NUP205: variants seen among roughly 807,000 people sequenced by gnomAD.
NUP205 encodes nuclear pore complex protein Nup205.
A neutral mutation model predicts 253.8 loss-of-function variants in NUP205; 76 were observed. That is an observed-to-expected ratio of 0.30 (90% CI 0.25 to 0.36). The LOEUF (loss-of-function observed/expected upper bound fraction) is 0.36. Ranked by LOEUF, NUP205 falls within the 10% of genes least tolerant of loss-of-function variation. The pLI is 1.00. For synonymous variants in NUP205, 832 were observed against 850.1 expected (o/e 0.98, Z 0.37); for missense variants, 2,162 against 2,425.5 (o/e 0.89, Z 2.28).
intron 42 of NUP205, among the ~76,000 whole-genome samples, chr7:135,648,182 A>G (rs1024474287): frequency 1.3e-5 from 2 of 152,230 alleles, no homozygotes; most frequent in African/African-American, 4.8e-5. Context: ...AAATTTATAC[A>G]AGAAAAGAAA....
rs531899931 is a variant in NUP205, at chr7:135,617,788, G to C, written c.3771+106G>C. ...CATGTAGTTTGCTAATTAGTAAGCTGCCTAAAAATTAAACATTTAGGGAGT... is the reference window on the plus strand; with the variant it reads ...CATGTAGTTTGCTAATTAGTAAGCTCCCTAAAAATTAAACATTTAGGGAGT... On this transcript the variant is annotated intron_variant, in intron 27 of 42. Transcript: ENST00000285968. 6.4e-5 allele frequency: 36 copies of C among 566,290 alleles called. No individual in the cohort carries two copies. The African/African-American group carries it at 7.0e-4, about 11-fold the overall frequency. 35.1% of individuals were successfully genotyped at this position (566,290 alleles called of 1,614,324 possible). A position where few individuals can be genotyped will look rare whatever the true frequency, so the allele number is the denominator to read the frequency against.
At chr7:135,648,362 G>A in intron 42 of NUP205, 42 bp from the exon 43 acceptor site, 1 of 1,475,316 alleles carries the variant, frequency 6.8e-7, no homozygotes. Flanking sequence ...AGAAATATTT[G>A]AGACAACAAT....
intron 15 of NUP205, among the ~76,000 whole-genome samples, chr7:135,599,277 A>G (rs1160197725): frequency 1.3e-5 from 2 of 152,106 alleles, no homozygotes; most frequent in Non-Finnish European, 2.9e-5. Context: ...TGTTACTTGT[A>G]TCTAGCATAG....
At chr7:135,639,506 A>G (rs1052781626) in intron 38 of NUP205, among the ~76,000 whole-genome samples, 7 of 152,116 alleles carry the variant, frequency 4.6e-5, no homozygotes, top group African/African-American at 1.7e-4. Flanking sequence ...CCTGGCCAAC[A>G]TGGTGAAACC....
intron 1 of NUP205, among the ~76,000 whole-genome samples, chr7:135,565,234 GAA>G (rs1450382631): frequency 6.6e-6 from 1 of 152,120 alleles, no homozygotes; most frequent in Non-Finnish European, 1.5e-5. Flanking sequence ...ATGAGGGAGA[GAA>G]AATTAACTTT....
rs142454384 is a variant in NUP205 at position 135,597,380 on chromosome 7, G to A, written c.2026G>A (p.Val676Met). Residue 676 changes from valine to methionine, a missense_variant, in exon 14 of 43, where the codon GTG becomes ATG. By Grantham distance (21) the Val-to-Met change is conservative. Transcript: ENST00000285968. ...TTACTATTTTAAGATACTGCAGACC[G>A]TGAGGATTCCAAGCCAAAGGCAAGC... is the stretch of plus-strand genomic sequence containing the variant. ...SLEYTQILQT[V>M]RIPSQRQAIG... 2.7e-5 allele frequency: 44 copies of A among 1,610,688 alleles called. No homozygotes were observed. The highest frequency in any genetic ancestry group is 1.7e-4 in the Middle Eastern group (1 of 6,054).
In NUP205 at chr7:135,636,878, C is replaced by T. The variant is rs147811122; in HGVS notation, c.5137-1053C>T. ...AAAATTAGCCATGTGTGGTGGTGCACGCCTGTAGTCCCAGCTACCTGGGGG... is the reference window on the plus strand; with the variant it reads ...AAAATTAGCCATGTGTGGTGGTGCATGCCTGTAGTCCCAGCTACCTGGGGG... On this transcript the variant is annotated intron_variant, in intron 36 of 42. Transcript: ENST00000285968. Among the ~76,000 whole-genome samples, 1,310 of 152,124 alleles carry T rather than the reference C, an allele frequency of 8.6e-3. 9 individuals carry two copies. The highest frequency in any genetic ancestry group is 0.011 in the Non-Finnish European group (776 of 67,996).
chr7:135,582,345 T>A (rs1010537889), intron 7 of NUP205, among the ~76,000 whole-genome samples: 1 of 152,244 alleles, frequency 6.6e-6, no homozygotes, highest in African/African-American at 2.4e-5. Context: ...GTTTTTGAAT[T>A]CAAGTAAAGG....
intron 7 of NUP205, among the ~76,000 whole-genome samples, chr7:135,583,305 G>A (rs1160520684): frequency 6.6e-6 from 1 of 152,036 alleles, no homozygotes; most frequent in Non-Finnish European, 1.5e-5. Context: ...CAATTACCTA[G>A]TAATTTTATA....
At chr7:135,580,036 G>A (rs56244910) in intron 7 of NUP205, among the ~76,000 whole-genome samples, 1 of 152,092 alleles carries the variant, frequency 6.6e-6, no homozygotes, top group African/African-American at 2.4e-5. Flanking sequence ...ATATTAGTAG[G>A]GGTTTATTCT....
At chr7:135,601,600 AT>A in intron 17 of NUP205, 93 bp downstream of exon 17, 5 of 1,326,632 alleles carry the variant, frequency 3.8e-6, no homozygotes, top group African/African-American at 1.5e-5. Flanking sequence ...CTCTGAAGTC[AT>A]TTTTCACTGT....
chr7:135,563,377 CG>C (rs1313982642), intron 1 of NUP205, among the ~76,000 whole-genome samples: 1 of 151,738 alleles, frequency 6.6e-6, no homozygotes, highest in Non-Finnish European at 1.5e-5. Flanking sequence ...TTGGTAGAGA[CG>C]GGGTTTCGCT....
chr7:135,579,256 A>T (rs6467598), intron 7 of NUP205, among the ~76,000 whole-genome samples: 59 of 151,604 alleles, frequency 3.9e-4, no homozygotes, highest in African/African-American at 1.4e-3. Context: ...GTGCAATGGC[A>T]CAGTCTCGGC....
At chr7:135,608,805 T>C in intron 22 of NUP205, among the ~76,000 whole-genome samples, 1 of 151,840 alleles carries the variant, frequency 6.6e-6, no homozygotes, top group African/African-American at 2.4e-5. Context: ...ATAAGTGTTT[T>C]AAAAACTAGG....
Position 135,628,033 on chromosome 7 carries a change from G to T in NUP205, c.4854G>T (p.Gln1618His). The change falls in exon 34 of 43, where the codon CAG (glutamine) becomes CAT (histidine). Residue 1618 changes from glutamine to histidine, a missense_variant. Gln to His is a conservative substitution (Grantham distance 24). Around this residue, in one of 5 missense-constraint regions of NUP205, gnomAD observed 1,144 missense variants for 1,280.9 expected, o/e 0.89. Coordinates refer to ENST00000285968, the MANE Select transcript of NUP205 (RefSeq NM_015135.3). Reference protein sequence around the residue: ...FIPTPVDRYRQILLPALQLCQ... With the variant: ...FIPTPVDRYRHILLPALQLCQ... ...CTACCCCAGTGGATCGCTACCGCCA[G>T]ATTCTCCTCCCAGCTCTCCAGCTGT... The T allele has an allele frequency of 6.2e-7, 1 of 1,611,460 alleles. No individual in the cohort carries two copies. The highest frequency in any genetic ancestry group is 1.1e-5 in the South Asian group (1 of 90,848).
chr7:135,617,938 T>TG (rs1398728202), intron 27 of NUP205, among the ~76,000 whole-genome samples: 1 of 151,702 alleles, frequency 6.6e-6, no homozygotes, highest in Admixed American at 6.6e-5. Context: ...AGACTTCACT[T>TG]GGTCCCCATC....
chr7:135,646,203 C>T lies in NUP205; in HGVS notation c.5858C>T (p.Ala1953Val). 1 of 1,613,140 alleles carries T rather than the reference C, an allele frequency of 6.2e-7. No individual in the cohort carries two copies. Residue 1953 changes from alanine (A) to valine (V), a missense_variant, in exon 42 of 43, where the codon GCT becomes GTT. Physicochemically the swap from Ala to Val is moderately conservative, Grantham distance 64. Coordinates refer to ENST00000285968, the MANE Select transcript of NUP205 (RefSeq NM_015135.3). Reference protein sequence around the residue: ...ETNLDFRSGLAIVSQHDLDQL... With the variant: ...ETNLDFRSGLVIVSQHDLDQL... ...AATCTAGATTTTAGAAGTGGGCTGG[C>T]TATAGTGAGCCAACATGATTTAGAC...
At chr7:135,645,074 C>T in intron 40 of NUP205, 56 bp downstream of exon 40, 2 of 1,582,818 alleles carry the variant, frequency 1.3e-6, no homozygotes, top group Non-Finnish European at 1.7e-6. Context: ...AGGAACTGTT[C>T]ACTTATTCTC....
chr7:135,565,900 AG>A (rs1312018904), intron 1 of NUP205, among the ~76,000 whole-genome samples: 1 of 152,166 alleles, frequency 6.6e-6, no homozygotes, highest in African/African-American at 2.4e-5. Context: ...TATCCTTTGC[AG>A]TTAGAGAGAG....
Sources: allele counts gnomAD v4.1 joint callset (sites outside exome capture counted in the v4.1 genomes callset), GRCh38; gene constraint gnomAD v4.1.1; regional missense constraint gnomAD v4.1.1; transcripts MANE v1.5; gene names NCBI Gene and HGNC (gene_info 2026-07-23, HGNC 2026-07-21).